PLA2G2D: variants seen among roughly 807,000 people sequenced by gnomAD.
PLA2G2D encodes the protein group IID secretory phospholipase A2.
Under a neutral mutation model 13.9 loss-of-function variants are expected in PLA2G2D, and 17 were observed. The ratio of observed to expected loss-of-function variants is 1.23; its 90% CI spans 0.84 to 1.84. PLA2G2D has a LOEUF of 1.84. Among genes scored for constraint, PLA2G2D ranks in the 40% most tolerant of loss-of-function variants. PLA2G2D has a pLI of 0.00. For synonymous variants in PLA2G2D, 83 were observed against 69.3 expected (o/e 1.20, Z -0.98); for missense variants, 194 against 178.7 (o/e 1.09, Z -0.49).
At position 20,116,434 on chromosome 1, in the gene PLA2G2D, C is replaced by T. The variant is rs2016991689; in HGVS notation, c.84G>A (p.Met28Ile). Residue 28 changes from methionine (M) to isoleucine (I), a missense_variant, in exon 2 of 4, where the codon ATG (methionine) becomes ATA (isoleucine). Physicochemically the swap from Met to Ile is conservative, Grantham distance 10 (BLOSUM62 1). Coordinates refer to ENST00000375105, the MANE Select transcript of PLA2G2D (RefSeq NM_012400.4). Reference sequence around the variant, plus strand: ...GCATTTTCCCAGTCACTTGCTTGACCATCTTGTTCAGGTTCAGGATCCCGC... The same window carrying T: ...GCATTTTCCCAGTCACTTGCTTGACTATCTTGTTCAGGTTCAGGATCCCGC... Reference protein sequence around the residue: ...IQGGILNLNKMVKQVTGKMPI... With the variant: ...IQGGILNLNKIVKQVTGKMPI... 6.2e-7 allele frequency: 1 copy of T among 1,614,164 alleles called. No individual in the cohort carries two copies. Among genetic ancestry groups the T allele is most frequent in the Non-Finnish European group, 8.5e-7 (1 of 1,180,032 alleles).
At position 20,114,081 on chromosome 1, in the gene PLA2G2D, C is replaced by T. The variant is rs2016935009; in HGVS notation, c.*33G>A. On this transcript the variant is annotated 3_prime_UTR_variant, in exon 4 of 4. Coordinates refer to ENST00000375105, the MANE Select transcript of PLA2G2D (RefSeq NM_012400.4). The stretch of plus-strand genomic sequence containing the variant: ...TACTGAGGTGGGGATGCCAGAGCTC[C>T]ATGCTGAGGAACAGGGTAGAGGGTG... The T allele has an allele frequency of 1.9e-6, 3 of 1,598,176 alleles. No homozygotes were observed. The highest frequency in any genetic ancestry group is 2.6e-6 in the Non-Finnish European group (3 of 1,171,472).
intron 2 of PLA2G2D, among the ~76,000 whole-genome samples, chr1:20,115,905 T>A (rs920200254): frequency 3.3e-5 from 5 of 152,178 alleles, no homozygotes; most frequent in Non-Finnish European, 7.3e-5. Flanking sequence ...GTCAAGACAC[T>A]TGCCCAAGGT....
Position 20,114,136 on chromosome 1 carries a change from C to A in PLA2G2D, c.416G>T (p.Arg139Leu). 3.7e-6 allele frequency: 6 copies of A among 1,613,438 alleles called. No homozygotes were observed. Among genetic ancestry groups the A allele is most frequent in the Non-Finnish European group, 5.1e-6 (6 of 1,179,910 alleles). Reference protein sequence around the residue: ...RLRFYWRPHCRGQTPGC With the variant: ...RLRFYWRPHCLGQTPGC ...CTTCTAGCACCCAGGGGTCTGCCCC[C>A]GGCAGTGGGGCCGCCAGTAGAAACG... The change falls in exon 4 of 4, where the codon CGG (arginine) becomes CTG (leucine). Residue 139 changes from arginine (R) to leucine (L), a missense_variant. Coordinates refer to ENST00000375105, the MANE Select transcript of PLA2G2D (RefSeq NM_012400.4).
At chr1:20,114,524 A>C (rs890622405) in intron 3 of PLA2G2D, among the ~76,000 whole-genome samples, 1 of 152,232 alleles carries the variant, frequency 6.6e-6, no homozygotes, top group African/African-American at 2.4e-5. Flanking sequence ...CGATAGGGAC[A>C]TGAGAGAGGG....
rs1045324456 is a variant in PLA2G2D at position 20,112,471 on chromosome 1, A to C, written c.*1643T>G. The C allele has an allele frequency of 3.3e-5, 5 of 152,064 alleles. No homozygotes were observed. The highest frequency in any genetic ancestry group is 5.9e-5 in the Non-Finnish European group (4 of 68,040). The allele number at this position is 152,064 out of a possible 1,614,324, so 9.4% of individuals were successfully genotyped here. A position where few individuals can be genotyped will look rare whatever the true frequency, so the allele number is the denominator to read the frequency against. The stretch of plus-strand genomic sequence containing the variant: ...TTCACATGAGTCACCACATCTCAGA[A>C]CTGCTCAGTCAGCTGAGGCACAGAT... On this transcript the variant is annotated 3_prime_UTR_variant, in exon 4 of 4. Transcript: ENST00000375105.
At chr1:20,117,400 A>G (rs1569872519) in intron 1 of PLA2G2D, among the ~76,000 whole-genome samples, 1 of 152,154 alleles carries the variant, frequency 6.6e-6, no homozygotes, top group Non-Finnish European at 1.5e-5. Flanking sequence ...CAGCCCCTAG[A>G]AAAATCTGAG....
rs111713262 is a variant in PLA2G2D at position 20,117,297 on chromosome 1, C to G, written c.41-820G>C. Among the ~76,000 whole-genome samples, 692 of 152,250 alleles carry G rather than the reference C, an allele frequency of 4.5e-3. 6 individuals carry two copies. The highest frequency in any genetic ancestry group is 0.016 in the African/African-American group (655 of 41,544). ...GCTGGTAAATGGAGCCAGAATTCAT[C>G]ATTTACAACAGTCTGGTTTCATTCT... On this transcript the variant is annotated intron_variant, in intron 1 of 3. Transcript: ENST00000375105.
rs768893999 is a variant in PLA2G2D at position 20,116,351 on chromosome 1, G to C, written c.167C>G (p.Pro56Arg). 1 of 1,614,186 alleles carries C rather than the reference G, an allele frequency of 6.2e-7. No homozygotes were observed. The change falls in exon 2 of 4, where the codon CCC (proline) becomes CGC (arginine). Residue 56 changes from proline to arginine, a missense_variant. Physicochemically the swap from Pro to Arg is moderately radical, Grantham distance 103. Transcript: ENST00000375105. ...CHCGLGGRGQPKDATDWCCQT... is the reference protein window; with the variant it reads ...CHCGLGGRGQRKDATDWCCQT... Reference sequence around the variant, plus strand: ...GAGTTACCAGTCCGTGGCATCTTTGGGTTGGCCTCTGCCACCTAGTCCGCA... The same window carrying C: ...GAGTTACCAGTCCGTGGCATCTTTGCGTTGGCCTCTGCCACCTAGTCCGCA...
intron 1 of PLA2G2D, 64 bp from the exon 2 acceptor site, chr1:20,116,541 A>G: frequency 6.6e-7 from 1 of 1,510,014 alleles, no homozygotes; most frequent in Admixed American, 1.7e-5. Flanking sequence ...GCCAATGGGC[A>G]CAGGACGGCA....
At chr1:20,116,577 G>T in intron 1 of PLA2G2D, 100 bp from the exon 2 acceptor site, 1 of 1,032,248 alleles carries the variant, frequency 9.7e-7, no homozygotes, top group South Asian at 1.3e-5. Flanking sequence ...GACCAAATGA[G>T]TGACCTCAGA....
chr1:20,113,714 A>G lies in PLA2G2D; in HGVS notation c.*400T>C, dbSNP rs62541909. Reference sequence around the variant, plus strand: ...CCTTGAGGTTTTAAAAGATAGAGCCACATGGACAGAAAGATCAATATTGCC... The same window carrying G: ...CCTTGAGGTTTTAAAAGATAGAGCCGCATGGACAGAAAGATCAATATTGCC... On this transcript the variant is annotated 3_prime_UTR_variant, in exon 4 of 4. Transcript: ENST00000375105. The G allele has an allele frequency of 1.9e-4, 33 of 170,804 alleles. No individual in the cohort carries two copies. The East Asian group carries it at 3.3e-3, about 17-fold the overall frequency. 10.6% of individuals were successfully genotyped at this position (170,804 alleles called of 1,614,324 possible). A position where few individuals can be genotyped will look rare whatever the true frequency, so the allele number is the denominator to read the frequency against.
rs1458202635 is a variant in PLA2G2D, at chr1:20,117,620, G to A, written c.41-1143C>T. On this transcript the variant is annotated intron_variant, in intron 1 of 3. Transcript: ENST00000375105. ...CATGAATTCAAGTGGGAGGTTGGGA[G>A]AAACAGATGGCAGAAGGGAATGGAG... Among the ~76,000 whole-genome samples, 2 of 152,150 alleles carry A rather than the reference G, an allele frequency of 1.3e-5. 1 individual carries two copies. The highest frequency in any genetic ancestry group is 2.9e-5 in the Non-Finnish European group (2 of 68,036).
intron 1 of PLA2G2D, among the ~76,000 whole-genome samples, chr1:20,118,936 G>A (rs778247424): frequency 6.6e-6 from 1 of 152,162 alleles, no homozygotes. Context: ...TCACAATTTT[G>A]AGATGGATTG....
At chr1:20,116,306 G>C in intron 2 of PLA2G2D, 27 bp downstream of exon 2, 1 of 1,611,666 alleles carries the variant, frequency 6.2e-7, no homozygotes, top group Non-Finnish European at 8.5e-7. Context: ...GACAGTATAG[G>C]ATTGCCAGCC....
chr1:20,111,948 ATT>A lies in PLA2G2D; in HGVS notation c.*2164_*2165del, dbSNP rs1012416799. 2.1e-5 allele frequency: 3 copies of A among 146,280 alleles called. No homozygotes were observed. The South Asian group carries it at 6.6e-4, about 32-fold the overall frequency. The allele number at this position is 146,280 out of a possible 1,614,324, so 9.1% of individuals were successfully genotyped here. On this transcript the variant is annotated 3_prime_UTR_variant, in exon 4 of 4. Transcript: ENST00000375105. ...ATTTTATTTTATTTTATTTTATTTT[ATT>A]TTATTTTATTTTATTTTATTTTATT... is the stretch of plus-strand genomic sequence containing the variant.
At position 20,114,111 on chromosome 1, in the gene PLA2G2D, C is replaced by A. The variant is rs777235085; in HGVS notation, c.*3G>T. On this transcript the variant is annotated 3_prime_UTR_variant, in exon 4 of 4. Transcript: ENST00000375105. Reference sequence around the variant, plus strand: ...TGAGGAACAGGGTAGAGGGTGTGGGCTTCTAGCACCCAGGGGTCTGCCCCC... The same window carrying A: ...TGAGGAACAGGGTAGAGGGTGTGGGATTCTAGCACCCAGGGGTCTGCCCCC... 1 of 1,611,948 alleles carries A rather than the reference C, an allele frequency of 6.2e-7. No individual in the cohort carries two copies. Among genetic ancestry groups the A allele is most frequent in the East Asian group, 2.2e-5 (1 of 44,856 alleles).
rs748674258 is a variant in PLA2G2D, at chr1:20,114,183, C to G, written c.369G>C (p.Leu123=). ...AACGCAGTCGCTTCTGGTAGGTGTC[C>G]AGGTTGCGCTTCAGGCAGAAGGCCA... ...KEVAFCLKRN[L]DTYQKRLRFY... is the part of the protein sequence containing the mutation. Residue 123 remains leucine (L), a synonymous_variant, in exon 4 of 4, where the codon CTG becomes CTC. Coordinates refer to ENST00000375105, the MANE Select transcript of PLA2G2D (RefSeq NM_012400.4). 2.9e-5 allele frequency: 47 copies of G among 1,613,926 alleles called. No individual in the cohort carries two copies. The highest frequency in any genetic ancestry group is 3.6e-5 in the Non-Finnish European group (43 of 1,179,988).
chr1:20,114,607 G>A (rs760242397), intron 3 of PLA2G2D, among the ~76,000 whole-genome samples: 1 of 152,188 alleles, frequency 6.6e-6, no homozygotes, highest in Non-Finnish European at 1.5e-5. Context: ...TGCAGGGCTA[G>A]GAGATCAGAA....
intron 1 of PLA2G2D, 110 bp from the exon 2 acceptor site, chr1:20,116,587 A>G: frequency 5.4e-6 from 5 of 919,860 alleles, no homozygotes; most frequent in Non-Finnish European, 8.6e-6. Flanking sequence ...GTGACCTCAG[A>G]TGATGATAAT....
Sources: gnomAD v4.1 joint callset for allele counts (sites outside exome capture counted in the v4.1 genomes callset) on GRCh38, gnomAD v4.1.1 for gene constraint, MANE v1.5 for transcripts, NCBI Gene and HGNC (gene_info 2026-07-23, HGNC 2026-07-21) for gene names.